The following ZFR variants were observed in gnomAD, a reference collection of about 807,000 sequenced individuals.
ZFR encodes zinc finger RNA binding protein.
A neutral mutation model predicts 130.7 loss-of-function variants in ZFR; 19 were observed. The observed-to-expected ratio is 0.15, with a 90% CI of 0.10 to 0.21. The LOEUF is 0.21. Among genes scored for constraint, ZFR ranks in the 10% least tolerant of loss-of-function variants. ZFR has a pLI of 1.00. For synonymous variants in ZFR, 466 were observed against 456.9 expected, an observed-to-expected ratio of 1.02 and a Z score of -0.25; for missense variants, 872 against 1,321.5, an observed-to-expected ratio of 0.66 and a Z score of 5.27.
intron 15 of ZFR, among the ~76,000 whole-genome samples, chr5:32,382,241 G>C (rs893387030): frequency 2.6e-5 from 4 of 152,138 alleles, no homozygotes; most frequent in Non-Finnish European, 5.9e-5. Flanking sequence ...AACCTGGGAG[G>C]TGGAGGTTGC....
At position 32,415,259 on chromosome 5, in the gene ZFR, A is replaced by C. The variant is rs949571300; in HGVS notation, c.566-72T>G. 14 of 1,371,686 alleles carry C rather than the reference A, an allele frequency of 1.0e-5. No homozygotes were observed. The African/African-American group carries it at 1.9e-4, about 18-fold the overall frequency. 85.0% of individuals were successfully genotyped at this position (1,371,686 alleles called of 1,614,324 possible). On this transcript the variant is annotated intron_variant, in intron 4 of 19. Coordinates refer to ENST00000265069, the MANE Select transcript of ZFR (RefSeq NM_016107.5). Reference sequence around the variant, plus strand: ...TAGTTACTGTACCAGTATCCTTAAAAAGCTGGAAAGAATAGGTACAAACAT... The same window carrying C: ...TAGTTACTGTACCAGTATCCTTAAACAGCTGGAAAGAATAGGTACAAACAT...
chr5:32,427,655 G>T (rs1408705591), intron 2 of ZFR, among the ~76,000 whole-genome samples: 1 of 151,924 alleles, frequency 6.6e-6, no homozygotes. Flanking sequence ...AATTCCTGTG[G>T]AATCTCAAGA....
At chr5:32,436,617 G>A (rs1206141973) in intron 2 of ZFR, among the ~76,000 whole-genome samples, 2 of 152,014 alleles carry the variant, frequency 1.3e-5, no homozygotes, top group African/African-American at 4.8e-5. Context: ...ATACTGTTCT[G>A]AACACTTCAC....
Position 32,406,883 on chromosome 5 carries a change from A to C in ZFR, c.923T>G (p.Phe308Cys), listed in dbSNP as rs751757334. 1 of 1,613,868 alleles carries C rather than the reference A, an allele frequency of 6.2e-7. No homozygotes were observed. The highest frequency in any genetic ancestry group is 8.5e-7 in the Non-Finnish European group (1 of 1,179,934). ...AATAAWTGTT[F>C]TKKAPFQNKQ... ...ATTTTGGAATGGTGCTTTTTTAGTA[A>C]AGGTGGTCCCTGTCCAGGCAGCTGT... The change falls in exon 6 of 20, where the codon TTT becomes TGT. Residue 308 changes from phenylalanine (F) to cysteine (C), a missense_variant. Phe to Cys is a radical substitution (Grantham distance 205). This residue lies in a region of ZFR where 240 missense variants were observed against 441.2 expected (regional missense o/e 0.54). Transcript: ENST00000265069.
chr5:32,404,114 G>A lies in ZFR; in HGVS notation c.1033-17C>T. On this transcript the variant is annotated splice_polypyrimidine_tract_variant and intron_variant, in intron 6 of 19. Coordinates refer to ENST00000265069, the MANE Select transcript of ZFR (RefSeq NM_016107.5). The stretch of plus-strand genomic sequence containing the variant: ...TTTATAAGTCTGTTTCAAATAAAAA[G>A]GAAACATTTTGCTTCACTAATTTTC... 1 of 1,568,126 alleles carries A rather than the reference G, an allele frequency of 6.4e-7. No homozygotes were observed. The highest frequency in any genetic ancestry group is 8.6e-7 in the Non-Finnish European group (1 of 1,159,726).
At chr5:32,380,377 A>G (rs1275796800) in intron 15 of ZFR, 8 of 429,978 alleles carry the variant, frequency 1.9e-5, no homozygotes, top group Admixed American at 6.9e-5. Flanking sequence ...GTAATATAAT[A>G]AACAATTTCT....
intron 4 of ZFR, among the ~76,000 whole-genome samples, chr5:32,416,318 G>A (rs1233333307): frequency 6.6e-6 from 1 of 152,164 alleles, no homozygotes; most frequent in Non-Finnish European, 1.5e-5. Context: ...GAAATCAATA[G>A]AGAAGAGACC....
intron 17 of ZFR, 77 bp from the exon 18 acceptor site, chr5:32,364,352 T>G: frequency 5.9e-6 from 7 of 1,188,200 alleles, no homozygotes; most frequent in Non-Finnish European, 3.5e-6. Flanking sequence ...TTTTAAAGAC[T>G]GAAAAAATTT....
intron 5 of ZFR, among the ~76,000 whole-genome samples, chr5:32,411,704 AAT>A (rs374132957): frequency 0.6 from 24,969 of 41,768 alleles, 6,772 homozygotes; most frequent in Middle Eastern, 0.67. Flanking sequence ...AAAAAAAAAA[AAT>A]TGAGGGGGGG....
In ZFR at chr5:32,403,795, T is replaced by C. The variant is rs1753521483; in HGVS notation, c.1224+111A>G. 24 of 935,878 alleles carry C rather than the reference T, an allele frequency of 2.6e-5. 1 individual carries two copies. The South Asian group carries it at 4.8e-4, about 19-fold the overall frequency. 58.0% of individuals were successfully genotyped at this position (935,878 alleles called of 1,614,324 possible). On this transcript the variant is annotated intron_variant, in intron 7 of 19. Coordinates refer to ENST00000265069, the MANE Select transcript of ZFR (RefSeq NM_016107.5). ...ATTATTAGCACATAAGCAAGGCTTA[T>C]AATGCACTTAAAAGTTTTCGAACTT...
rs146051402 is a variant in ZFR at position 32,386,228 on chromosome 5, C to T, written c.2500-579G>A. Among the ~76,000 whole-genome samples the T allele has an allele frequency of 2.1e-3, 322 of 151,974 alleles. 1 individual carries two copies. Among genetic ancestry groups the T allele is most frequent in the African/African-American group, 7.1e-3 (293 of 41,480 alleles). On this transcript the variant is annotated intron_variant, in intron 14 of 19. Transcript: ENST00000265069. ...CTAGCTCTGATACTTTACAGTGATG[C>T]GATGATAGACAAATTATTTAACTAT...
chr5:32,369,642 C>T (rs1752616973), intron 17 of ZFR, among the ~76,000 whole-genome samples: 3 of 150,952 alleles, frequency 2.0e-5, no homozygotes, highest in African/African-American at 7.3e-5. Context: ...CTTATCTCTA[C>T]AAAAAATTAA....
At chr5:32,368,670 C>T (rs1226513630) in intron 17 of ZFR, among the ~76,000 whole-genome samples, 1 of 152,182 alleles carries the variant, frequency 6.6e-6, no homozygotes, top group East Asian at 1.9e-4. Context: ...TGGAAACAAT[C>T]TCTAGCACTA....
chr5:32,403,942 C>A lies in ZFR; in HGVS notation c.1188G>T (p.Ala396=). 6.2e-7 allele frequency: 1 copy of A among 1,604,590 alleles called. No individual in the cohort carries two copies. Among genetic ancestry groups the A allele is most frequent in the East Asian group, 2.2e-5 (1 of 44,824 alleles). ...TAGCACCACGAATGTGGGCAGCATA[C>A]GCATCTGCTCCTGTACAAGACACAT... ...LCDVSCTGAD[A]YAAHIRGAKH... Residue 396 remains alanine (A), a synonymous_variant, in exon 7 of 20, where the codon GCG becomes GCT. Coordinates refer to ENST00000265069, the MANE Select transcript of ZFR (RefSeq NM_016107.5).
intron 3 of ZFR, 103 bp from the exon 4 acceptor site, chr5:32,417,895 G>A (rs928855944): frequency 6.7e-6 from 7 of 1,037,330 alleles, no homozygotes; most frequent in African/African-American, 3.2e-5. Context: ...CACTAAATAC[G>A]TAGTTTCATG....
chr5:32,440,585 T>G (rs1460903804), intron 2 of ZFR, among the ~76,000 whole-genome samples: 2 of 151,482 alleles, frequency 1.3e-5, no homozygotes, highest in South Asian at 4.2e-4. Flanking sequence ...AGGCAGAGGT[T>G]GCAGTGAGCC....
chr5:32,383,415 T>C (rs1752974754), intron 15 of ZFR, among the ~76,000 whole-genome samples: 1 of 152,200 alleles, frequency 6.6e-6, no homozygotes, highest in Admixed American at 6.5e-5. Context: ...AAAGATTCTG[T>C]AGCAAGGGTT....
intron 12 of ZFR, among the ~76,000 whole-genome samples, chr5:32,389,813 T>C (rs1424506579): frequency 6.6e-6 from 1 of 152,104 alleles, no homozygotes; most frequent in Non-Finnish European, 1.5e-5. Flanking sequence ...GGAAACATAT[T>C]CCCTTCCTAT....
intron 6 of ZFR, among the ~76,000 whole-genome samples, chr5:32,406,315 A>C (rs1166233254): frequency 6.6e-6 from 1 of 152,230 alleles, no homozygotes; most frequent in Non-Finnish European, 1.5e-5. Flanking sequence ...AATAACTAAC[A>C]TACTATAAAG....
Sources: gnomAD v4.1 joint callset for allele counts (sites outside exome capture counted in the v4.1 genomes callset) on GRCh38, gnomAD v4.1.1 for gene constraint, gnomAD v4.1.1 regional missense constraint, MANE v1.5 for transcripts, NCBI Gene and HGNC (gene_info 2026-07-23, HGNC 2026-07-21) for gene names.